Variants in KIF26B observed in about 807,000 individuals in gnomAD.
The protein encoded by KIF26B is kinesin-like protein KIF26B.
In KIF26B, 63 loss-of-function variants were observed where a neutral mutation model predicts 151.2. The ratio of observed to expected loss-of-function variants is 0.42; its 90% CI spans 0.34 to 0.51. KIF26B has a LOEUF of 0.51. KIF26B is among the 20% of genes least tolerant of loss of function. The pLI is 0.07. For missense variants in KIF26B, 2,813 were observed against 2,913.6 expected, an observed-to-expected ratio of 0.97 and a Z score of 0.79; for synonymous variants, 1,357 against 1,262.1, an observed-to-expected ratio of 1.08 and a Z score of -1.59.
At position 245,686,213 on chromosome 1, in the gene KIF26B, C is replaced by G. The variant is rs368098386; in HGVS notation, c.3230C>G (p.Ser1077Trp). Reference protein sequence around the residue: ...RLGIASLSKTSEYKPPSSPSQ... With the variant: ...RLGIASLSKTWEYKPPSSPSQ... ...GGCATCGCCAGCCTGTCCAAGACCTCGGAGTACAAGCCACCCAGCTCTCCT... is the reference window on the plus strand; with the variant it reads ...GGCATCGCCAGCCTGTCCAAGACCTGGGAGTACAAGCCACCCAGCTCTCCT... Residue 1077 changes from serine to tryptophan, a missense_variant, in exon 12 of 15, where the codon TCG becomes TGG. Around this residue, in one of 3 missense-constraint regions of KIF26B, gnomAD observed 2,060 missense variants for 2,088.6 expected, o/e 0.99. Coordinates refer to ENST00000407071, the MANE Select transcript of KIF26B (RefSeq NM_018012.4). The surrounding 1 kb of genome is among the most constrained non-coding windows in gnomAD (Gnocchi z 5.6). 3 of 1,612,678 alleles carry G rather than the reference C, an allele frequency of 1.9e-6. No homozygotes were observed. Among genetic ancestry groups the G allele is most frequent in the East Asian group, 4.5e-5 (2 of 44,852 alleles).
At chr1:245,684,437 C>T (rs1184105317) in intron 11 of KIF26B, 42 bp downstream of exon 11, 1 of 1,533,084 alleles carries the variant, frequency 6.5e-7, no homozygotes, top group East Asian at 2.4e-5. Flanking sequence ...ATGAGGGAGC[C>T]TTTGGAGCCG....
chr1:245,574,947 C>G (rs1210532084), intron 5 of KIF26B, among the ~76,000 whole-genome samples: 1 of 149,016 alleles, frequency 6.7e-6, no homozygotes, highest in Non-Finnish European at 1.5e-5. Context: ...TCACTGCAAG[C>G]TCCACCTCCC....
At chr1:245,676,619 A>G (rs1391634255) in intron 10 of KIF26B, 1 of 152,266 alleles carries the variant, frequency 6.6e-6, no homozygotes, top group Non-Finnish European at 1.5e-5. Context: ...GAATGCTGGT[A>G]TCTAGGATCC....
In KIF26B at chr1:245,227,486, C is replaced by T. The variant is rs1328888524; in HGVS notation, c.465+70803C>T. On this transcript the variant is annotated intron_variant, in intron 2 of 14. Coordinates refer to ENST00000407071, the MANE Select transcript of KIF26B (RefSeq NM_018012.4). This position sits in a 1 kb window ranked among gnomAD's most constrained non-coding sequence, Gnocchi z 4.1. ...TTTCTTCCCACCCCTGTCACACCGC[C>T]CTTGACCATGGTTGTCTGTCATGTG... 6.6e-6 allele frequency among the ~76,000 whole-genome samples: 1 copy of T among 152,156 alleles called. No homozygotes were observed. The highest frequency in any genetic ancestry group is 1.5e-5 in the Non-Finnish European group (1 of 68,036).
intron 2 of KIF26B, among the ~76,000 whole-genome samples, chr1:245,259,242 A>C (rs756064667): frequency 6.6e-6 from 1 of 152,042 alleles, no homozygotes; most frequent in Non-Finnish European, 1.5e-5. Flanking sequence ...CATTTGTTGG[A>C]GCTTAGCCCC....
chr1:245,155,243 A>G lies in KIF26B; in HGVS notation c.-182A>G, dbSNP rs925858096. On this transcript the variant is annotated 5_prime_UTR_variant, in exon 1 of 15. Transcript: ENST00000407071. ...AACCAGCGACCCCAACCCTTTCTGC[A>G]AATTGGTGCTATTACTTGTGGGATC... is the stretch of plus-strand genomic sequence containing the variant. The G allele has an allele frequency of 1.3e-5, 8 of 631,538 alleles. No individual in the cohort carries two copies. In the Middle Eastern group the frequency reaches 9.3e-4, roughly 74 times the overall value. The allele number at this position is 631,538 out of a possible 1,614,324, so 39.1% of individuals were successfully genotyped here. A position where few individuals can be genotyped will look rare whatever the true frequency, so the allele number is the denominator to read the frequency against.
chr1:245,578,778 CCAA>C (rs2043148446), intron 5 of KIF26B, among the ~76,000 whole-genome samples: 2 of 152,188 alleles, frequency 1.3e-5, no homozygotes, highest in Non-Finnish European at 2.9e-5. Context: ...CCAGGCTGGT[CCAA>C]GGTGCCTTTC....
At chr1:245,669,995 G>A (rs1443797536) in intron 10 of KIF26B, among the ~76,000 whole-genome samples, 1 of 152,106 alleles carries the variant, frequency 6.6e-6, no homozygotes, top group African/African-American at 2.4e-5. Context: ...GGGGAAAGGA[G>A]ATGGAGGATT....
At chr1:245,680,807 G>A (rs967495073) in intron 10 of KIF26B, among the ~76,000 whole-genome samples, 2 of 152,242 alleles carry the variant, frequency 1.3e-5, no homozygotes, top group Non-Finnish European at 2.9e-5. Flanking sequence ...TGAAGATACT[G>A]AGTCGCCAGA....
At chr1:245,608,608 T>A (rs2043482534) in intron 7 of KIF26B, among the ~76,000 whole-genome samples, 1 of 151,894 alleles carries the variant, frequency 6.6e-6, no homozygotes, top group South Asian at 2.1e-4. Flanking sequence ...ATCTGGGGGG[T>A]AACTATAAAA....
chr1:245,551,613 G>T (rs368140126), intron 5 of KIF26B, among the ~76,000 whole-genome samples: 2 of 152,132 alleles, frequency 1.3e-5, no homozygotes, highest in African/African-American at 2.4e-5. Flanking sequence ...GACTAATAAC[G>T]CACCATTTGC....
At chr1:245,585,252 AAG>A (rs1394086146) in intron 5 of KIF26B, among the ~76,000 whole-genome samples, 1 of 152,248 alleles carries the variant, frequency 6.6e-6, no homozygotes, top group Non-Finnish European at 1.5e-5. Flanking sequence ...GTAAGAAAAT[AAG>A]AGTTTTCCTT....
In KIF26B at chr1:245,252,992, T is replaced by G. The variant is rs570614367; in HGVS notation, c.465+96309T>G. Among the ~76,000 whole-genome samples the G allele has an allele frequency of 2.0e-5, 3 of 151,592 alleles. No individual in the cohort carries two copies. The South Asian group carries it at 6.2e-4, about 32-fold the overall frequency. On this transcript the variant is annotated intron_variant, in intron 2 of 14. Transcript: ENST00000407071. ...AATGTTTTCTCTACATCCATTGAGG[T>G]GATAATTTTTTTCTTAATTTTTTTT...
At chr1:245,209,941 C>A (rs755800362) in intron 2 of KIF26B, among the ~76,000 whole-genome samples, 4 of 152,192 alleles carry the variant, frequency 2.6e-5, no homozygotes, top group Non-Finnish European at 5.9e-5. Flanking sequence ...ATACTGGGGT[C>A]TTGGGAAGGA....
At position 245,687,245 on chromosome 1, in the gene KIF26B, C is replaced by T. The variant is rs544830044; in HGVS notation, c.4262C>T (p.Ala1421Val). The change falls in exon 12 of 15, where the codon GCC (alanine) becomes GTC (valine). Residue 1421 changes from alanine (A) to valine (V), a missense_variant. Physicochemically the swap from Ala to Val is moderately conservative, Grantham distance 64. Around this residue, in one of 3 missense-constraint regions of KIF26B, gnomAD observed 2,060 missense variants for 2,088.6 expected, o/e 0.99. Transcript: ENST00000407071. The surrounding 1 kb of genome is among the most constrained non-coding windows in gnomAD (Gnocchi z 4.9). ...TATPKAGPTL[A>V]QSRESKENSA... is the part of the protein sequence containing the mutation. ...ACCCCCAAAGCAGGCCCCACATTAG[C>T]CCAGTCCCGGGAGAGTAAGGAAAAC... 14 of 1,612,644 alleles carry T rather than the reference C, an allele frequency of 8.7e-6. No individual in the cohort carries two copies. The East Asian group carries it at 1.3e-4, about 15-fold the overall frequency.
intron 4 of KIF26B, among the ~76,000 whole-genome samples, chr1:245,501,380 A>G (rs1313862689): frequency 6.6e-6 from 1 of 152,186 alleles, no homozygotes; most frequent in African/African-American, 2.4e-5. Context: ...CTGGCCTGGC[A>G]TATGGTAAGG....
chr1:245,478,533 T>C (rs1660092722), intron 4 of KIF26B, among the ~76,000 whole-genome samples: 1 of 150,074 alleles, frequency 6.7e-6, no homozygotes, highest in South Asian at 2.2e-4. Context: ...GTTCACGCCA[T>C]TCTCCTGCCT....
chr1:245,580,754 C>A (rs1294419115), intron 5 of KIF26B, among the ~76,000 whole-genome samples: 1 of 152,230 alleles, frequency 6.6e-6, no homozygotes, highest in Non-Finnish European at 1.5e-5. Flanking sequence ...GCCCTCCTTA[C>A]TTACCCTTAG....
chr1:245,431,386 C>G (rs1255628497), intron 4 of KIF26B, among the ~76,000 whole-genome samples: 1 of 151,362 alleles, frequency 6.6e-6, no homozygotes, highest in Non-Finnish European at 1.5e-5. Flanking sequence ...GCATTGTCGC[C>G]CAGGCTAGGG....
Sources: allele counts gnomAD v4.1 joint callset (sites outside exome capture counted in the v4.1 genomes callset), GRCh38; gene constraint gnomAD v4.1.1; regional missense constraint gnomAD v4.1.1; non-coding constraint Gnocchi (gnomAD v3.1); transcripts MANE v1.5; gene names NCBI Gene and HGNC (gene_info 2026-07-23, HGNC 2026-07-21).